The following SLC24A2 variants were observed in gnomAD, a reference collection of about 807,000 sequenced individuals.
SLC24A2 encodes sodium/potassium/calcium exchanger 2.
SLC24A2 carries 36 observed loss-of-function variants against 62.0 expected under a neutral mutation model. The ratio of observed to expected loss-of-function variants is 0.58; its 90% confidence interval spans 0.44 to 0.77. The LOEUF is 0.77. SLC24A2 is among the 30% of genes least tolerant of loss of function. The probability of loss-of-function intolerance (pLI) is 0.00; values close to 1 mark genes in which losing one functional copy is unlikely to be tolerated. For missense variants in SLC24A2, 846 were observed against 817.9 expected (o/e 1.03, Z -0.42); for synonymous variants, 358 against 294.0 (o/e 1.22, Z -2.23).
chr9:19,788,470 G>C (rs1375193882), intron 1 of SLC24A2: 17 of 980,742 alleles, frequency 1.7e-5, no homozygotes, highest in Non-Finnish European at 2.1e-5. Context: ...TTTGCCTTGC[G>C]TGGTCCCAAA....
intron 2 of SLC24A2, among the ~76,000 whole-genome samples, chr9:19,674,263 T>C (rs1819502631): frequency 6.6e-6 from 1 of 152,230 alleles, no homozygotes; most frequent in Admixed American, 6.5e-5. Context: ...TTTTCTTTTA[T>C]AGGTTACCTG....
the SLC24A2 span, among the ~76,000 whole-genome samples, chr9:20,167,657 A>C: frequency 1.3e-5 from 2 of 152,024 alleles, no homozygotes; most frequent in Admixed American, 1.3e-4. Context: ...ATAAGGTGAG[A>C]CTAGAACATC....
the SLC24A2 span, among the ~76,000 whole-genome samples, chr9:20,102,288 C>T: frequency 6.6e-5 from 10 of 151,908 alleles, no homozygotes; most frequent in African/African-American, 2.2e-4. Flanking sequence ...GGCACATATA[C>T]ACCACAGAAT....
the SLC24A2 span, among the ~76,000 whole-genome samples, chr9:19,874,112 C>T: frequency 1.6e-5 from 2 of 123,922 alleles, no homozygotes; most frequent in Non-Finnish European, 3.2e-5. Flanking sequence ...CAGAGTCTGG[C>T]TCTGTTGCCC....
In SLC24A2 at chr9:19,508,973, T is replaced by C. The variant is rs939994104; in HGVS notation, c.*7180A>G. 6.6e-6 allele frequency: 1 copy of C among 152,156 alleles called. No individual in the cohort carries two copies. The highest frequency in any genetic ancestry group is 2.4e-5 in the African/African-American group (1 of 41,436). 9.4% of individuals were successfully genotyped at this position (152,156 alleles called of 1,614,324 possible). A position where few individuals can be genotyped will look rare whatever the true frequency, so the allele number is the denominator to read the frequency against. ...ATTATGAAATCTGCTGCTTTACATG[T>C]CCTCCCAAGGAAGGTTAGTAATTTA... is the stretch of plus-strand genomic sequence containing the variant. On this transcript the variant is annotated 3_prime_UTR_variant, in exon 11 of 11. Coordinates refer to ENST00000341998, the MANE Select transcript of SLC24A2 (RefSeq NM_020344.4).
the SLC24A2 span, among the ~76,000 whole-genome samples, chr9:20,027,184 C>T: frequency 1.3e-5 from 2 of 151,790 alleles, no homozygotes; most frequent in African/African-American, 4.8e-5. Flanking sequence ...AAAAGAGAAC[C>T]CTTGTACACT....
chr9:20,015,447 A>T, the SLC24A2 span, among the ~76,000 whole-genome samples: 1 of 152,232 alleles, frequency 6.6e-6, no homozygotes, highest in African/African-American at 2.4e-5. Context: ...TGAGTTGTGT[A>T]AAATCAACTC....
the SLC24A2 span, among the ~76,000 whole-genome samples, chr9:20,013,180 G>A: frequency 6.6e-6 from 1 of 152,020 alleles, no homozygotes; most frequent in East Asian, 1.9e-4. Flanking sequence ...AATGAAGCCT[G>A]CATGGTAGTG....
chr9:19,858,276 T>A, the SLC24A2 span, among the ~76,000 whole-genome samples: 4 of 152,138 alleles, frequency 2.6e-5, no homozygotes, highest in Admixed American at 2.6e-4. Context: ...ATTCAACAAA[T>A]GGTGCTGGAA....
chr9:19,665,169 T>C (rs1819213391), intron 2 of SLC24A2, among the ~76,000 whole-genome samples: 1 of 152,158 alleles, frequency 6.6e-6, no homozygotes, highest in South Asian at 2.1e-4. Flanking sequence ...TGACACCATC[T>C]ATCTGAGGTG....
chr9:20,173,030 A>T, the SLC24A2 span, among the ~76,000 whole-genome samples: 1 of 152,166 alleles, frequency 6.6e-6, no homozygotes, highest in Non-Finnish European at 1.5e-5. Flanking sequence ...GGTTTAACAT[A>T]AACAAGACAA....
At chr9:19,550,057 A>C (rs1216557110) in intron 8 of SLC24A2, 80 bp downstream of exon 8, 2 of 1,454,278 alleles carry the variant, frequency 1.4e-6, no homozygotes. Flanking sequence ...TTTCCTTTTA[A>C]CACAAACTGA....
At chr9:19,969,312 C>A in the SLC24A2 span, among the ~76,000 whole-genome samples, 1 of 151,802 alleles carries the variant, frequency 6.6e-6, no homozygotes, top group African/African-American at 2.4e-5. Flanking sequence ...TCCCCCAAAA[C>A]CTAAACTTCA....
chr9:20,083,874 T>G, the SLC24A2 span, among the ~76,000 whole-genome samples: 1 of 152,218 alleles, frequency 6.6e-6, no homozygotes, highest in African/African-American at 2.4e-5. Context: ...TACCAATTGA[T>G]GCACAGGATC....
the SLC24A2 span, among the ~76,000 whole-genome samples, chr9:19,924,505 C>T: frequency 2.6e-5 from 4 of 152,182 alleles, no homozygotes; most frequent in Non-Finnish European, 5.9e-5. Context: ...ATCTAGTCAG[C>T]TGTGTCCATC....
the SLC24A2 span, among the ~76,000 whole-genome samples, chr9:20,306,799 C>T: frequency 4.6e-5 from 7 of 152,186 alleles, no homozygotes; most frequent in African/African-American, 1.7e-4. Flanking sequence ...TGGGTTCAAG[C>T]GATTCTCCCG....
chr9:19,915,827 A>C, the SLC24A2 span, among the ~76,000 whole-genome samples: 4 of 152,008 alleles, frequency 2.6e-5, no homozygotes, highest in Admixed American at 2.6e-4. Flanking sequence ...TATATTCTGG[A>C]TATATATGAT....
At chr9:20,024,760 G>A in the SLC24A2 span, among the ~76,000 whole-genome samples, 1 of 152,180 alleles carries the variant, frequency 6.6e-6, no homozygotes, top group African/African-American at 2.4e-5. Context: ...GGGGTGAGGT[G>A]GGGTGGGGAG....
At chr9:19,636,962 T>G (rs1818374333) in intron 2 of SLC24A2, among the ~76,000 whole-genome samples, 1 of 152,202 alleles carries the variant, frequency 6.6e-6, no homozygotes, top group Non-Finnish European at 1.5e-5. Context: ...AAATACTAAT[T>G]GGAATAATTA....
Sources: gnomAD v4.1 joint callset for allele counts (sites outside exome capture counted in the v4.1 genomes callset) on GRCh38, gnomAD v4.1.1 for gene constraint, MANE v1.5 for transcripts, NCBI Gene and HGNC (gene_info 2026-07-23, HGNC 2026-07-21) for gene names.